The following PCDH11X variants were observed in gnomAD, a reference collection of about 807,000 sequenced individuals.
PCDH11X encodes protocadherin 11 X-linked.
Under a neutral mutation model 53.3 loss-of-function variants are expected in PCDH11X, and 18 were observed. The ratio of observed to expected loss-of-function variants is 0.34; its 90% CI spans 0.23 to 0.50. The LOEUF is 0.50. Ranked by LOEUF, PCDH11X falls within the 20% of genes least tolerant of loss-of-function variation. The probability of loss-of-function intolerance (pLI) is 0.98; values close to 1 mark genes in which losing one functional copy is unlikely to be tolerated. For synonymous variants in PCDH11X, 279 were observed against 393.3 expected (o/e 0.71, Z 3.44); for missense variants, 570 against 1,032.4 (o/e 0.55, Z 6.14).
rs369745701 is a variant in PCDH11X, at chrX:92,141,898, T to C, written c.3034-59477T>C. Among the ~76,000 whole-genome samples, 4 of 111,418 alleles carry C rather than the reference T, an allele frequency of 3.6e-5. No individual in the cohort carries two copies. In the South Asian group the frequency reaches 1.1e-3, roughly 31 times the overall value. ...TACTTGTTCTAAATCATTTGTGAGT[T>C]TTAAGATGGAACTATTCACCCCACA... On this transcript the variant is annotated intron_variant, in intron 6 of 10. Transcript: ENST00000682573.
chrX:92,286,135 T>C (rs902027333), intron 8 of PCDH11X, among the ~76,000 whole-genome samples: 2 of 109,431 alleles, frequency 1.8e-5, no homozygotes, highest in African/African-American at 6.7e-5. Flanking sequence ...TGCAGAGATT[T>C]TGTTTATGGC....
chrX:92,497,071 T>A (rs2148690924), intron 10 of PCDH11X, among the ~76,000 whole-genome samples: 1 of 111,806 alleles, frequency 8.9e-6, no homozygotes, highest in African/African-American at 3.2e-5. Flanking sequence ...AAAAGAGGCT[T>A]CAGTATGGCA....
intron 9 of PCDH11X, among the ~76,000 whole-genome samples, chrX:92,434,396 G>A (rs1274101309): frequency 1.8e-5 from 2 of 109,492 alleles, no homozygotes; most frequent in African/African-American, 3.4e-5. Context: ...CAAAATGTAA[G>A]TATCAGTCTC....
chrX:92,377,332 A>G (rs1221256201), intron 8 of PCDH11X, among the ~76,000 whole-genome samples: 1 of 110,457 alleles, frequency 9.1e-6, no homozygotes, highest in Non-Finnish European at 1.9e-5. Flanking sequence ...CCAACACTAC[A>G]GTTTATAGAG....
chrX:91,821,705 A>T (rs1458469981), intron 4 of PCDH11X, among the ~76,000 whole-genome samples: 1 of 103,216 alleles, frequency 9.7e-6, no homozygotes, highest in African/African-American at 4.2e-5. Context: ...AACTTCCAAC[A>T]CTATGTTGAA....
intron 6 of PCDH11X, among the ~76,000 whole-genome samples, chrX:92,184,632 G>A (rs1342750799): frequency 4.5e-5 from 5 of 111,732 alleles, no homozygotes; most frequent in African/African-American, 1.6e-4. Flanking sequence ...CATAAAAACA[G>A]ATACATAAAC....
chrX:92,080,491 C>G (rs2063839619), intron 6 of PCDH11X, among the ~76,000 whole-genome samples: 1 of 111,230 alleles, frequency 9.0e-6, no homozygotes, highest in African/African-American at 3.3e-5. Context: ...CCTTCAATAT[C>G]ATTTGAGATC....
At chrX:92,588,367 T>TGG (rs1418560698) in intron 10 of PCDH11X, among the ~76,000 whole-genome samples, 2 of 80,226 alleles carry the variant, frequency 2.5e-5, no homozygotes, top group African/African-American at 1.4e-4. Context: ...CTTGTGTGTG[T>TGG]GTGTGTATAT....
At chrX:92,333,268 A>G (rs2069535288) in intron 8 of PCDH11X, among the ~76,000 whole-genome samples, 1 of 110,416 alleles carries the variant, frequency 9.1e-6, no homozygotes, top group Non-Finnish European at 1.9e-5. Context: ...CGTATAAAGT[A>G]TTTGAATTAC....
At chrX:92,364,775 C>G (rs1358676947) in intron 8 of PCDH11X, among the ~76,000 whole-genome samples, 2 of 102,466 alleles carry the variant, frequency 2.0e-5, no homozygotes, top group Non-Finnish European at 4.0e-5. Context: ...CAGTGGTGGG[C>G]ACCTGTAATT....
chrX:92,476,127 A>G (rs1173666251), intron 10 of PCDH11X, among the ~76,000 whole-genome samples: 1 of 110,279 alleles, frequency 9.1e-6, no homozygotes, highest in African/African-American at 3.3e-5. Context: ...ATGAGATCTG[A>G]TGGTTTTATA....
chrX:92,312,134 G>A (rs980968661), intron 8 of PCDH11X, among the ~76,000 whole-genome samples: 8 of 111,238 alleles, frequency 7.2e-5, no homozygotes, highest in Non-Finnish European at 1.5e-4. Context: ...CTGGCCAGAC[G>A]TGTCTATGCA....
intron 6 of PCDH11X, among the ~76,000 whole-genome samples, chrX:91,921,408 G>A (rs1402841049): frequency 2.7e-5 from 3 of 109,437 alleles, no homozygotes; most frequent in Non-Finnish European, 5.7e-5. Context: ...AACAATTATA[G>A]TATCTATAGA....
At chrX:92,271,979 A>C (rs1251531827) in intron 8 of PCDH11X, among the ~76,000 whole-genome samples, 1 of 112,117 alleles carries the variant, frequency 8.9e-6, no homozygotes, top group East Asian at 2.8e-4. Flanking sequence ...AGACTCATGG[A>C]GGCGGATGAA....
At chrX:91,872,340 AC>A (rs1939364673) in intron 5 of PCDH11X, among the ~76,000 whole-genome samples, 1 of 105,298 alleles carries the variant, frequency 9.5e-6, no homozygotes, top group South Asian at 4.1e-4. Flanking sequence ...AAAAAAAAAA[AC>A]CCAAGTCAAC....
chrX:92,002,092 G>C (rs2062520685), intron 6 of PCDH11X, among the ~76,000 whole-genome samples: 1 of 105,000 alleles, frequency 9.5e-6, no homozygotes, highest in African/African-American at 3.5e-5. Context: ...GCAAGAGATA[G>C]AGGTTTAGTT....
intron 6 of PCDH11X, among the ~76,000 whole-genome samples, chrX:92,194,697 G>A (rs2066263194): frequency 9.2e-6 from 1 of 108,368 alleles, no homozygotes; most frequent in Non-Finnish European, 1.9e-5. Flanking sequence ...GTAATGTCTG[G>A]AACAGCTAGA....
At position 92,270,120 on chromosome X, in the gene PCDH11X, T is replaced by C. The variant is rs186654613; in HGVS notation, c.3144+6977T>C. Among the ~76,000 whole-genome samples, 648 of 106,380 alleles carry C rather than the reference T, an allele frequency of 6.1e-3. 4 individuals carry two copies. The highest frequency in any genetic ancestry group is 0.022 in the African/African-American group (633 of 29,065). 92.4% of individuals were successfully genotyped at this position (106,380 alleles called of 115,157 possible). A position where few individuals can be genotyped will look rare whatever the true frequency, so the allele number is the denominator to read the frequency against. On this transcript the variant is annotated intron_variant, in intron 8 of 10. Transcript: ENST00000682573. ...ATTCCTAGCTTCCTTTTCTTTTTTT[T>C]TTTTTTTCTTTTTGAGACTCGCTCT...
chrX:91,939,677 A>G (rs1459222886), intron 6 of PCDH11X, among the ~76,000 whole-genome samples: 1 of 110,435 alleles, frequency 9.1e-6, no homozygotes, highest in African/African-American at 3.3e-5. Context: ...ATGCAAGTAA[A>G]AAGACAGTGG....
Sources: gnomAD v4.1 joint callset for allele counts (sites outside exome capture counted in the v4.1 genomes callset) on GRCh38, gnomAD v4.1.1 for gene constraint, MANE v1.5 for transcripts, NCBI Gene and HGNC (gene_info 2026-07-23, HGNC 2026-07-21) for gene names.